The following CPB2 variants were observed in gnomAD, a reference collection of about 807,000 sequenced individuals.
CPB2 encodes carboxypeptidase B-like protein.
In CPB2, 54 loss-of-function variants were observed where a neutral mutation model predicts 57.0. The ratio of observed to expected loss-of-function variants is 0.95; its 90% CI spans 0.76 to 1.19. The LOEUF is 1.19. Among genes scored for constraint, CPB2 ranks in the 50% most tolerant of loss-of-function variants. The pLI is 0.00. For missense variants in CPB2, 426 were observed against 512.0 expected (o/e 0.83, Z 1.62); for synonymous variants, 189 against 178.1 (o/e 1.06, Z -0.49).
intron 4 of CPB2, among the ~76,000 whole-genome samples, chr13:46,079,797 A>C (rs1320843193): frequency 6.6e-6 from 1 of 152,114 alleles, no homozygotes; most frequent in African/African-American, 2.4e-5. Context: ...GCTGGTAAAA[A>C]CTGGAGCACC....
chr13:46,076,559 G>A (rs8181800), intron 5 of CPB2, among the ~76,000 whole-genome samples: 14 of 151,814 alleles, frequency 9.2e-5, no homozygotes, highest in East Asian at 1.9e-4. Flanking sequence ...CCGTACTACC[G>A]AATGGAATCT....
chr13:46,096,409 G>A (rs372363473), intron 1 of CPB2: 1 of 152,282 alleles, frequency 6.6e-6, no homozygotes. Context: ...CTTCTCAGAG[G>A]ATCATAACTG....
At chr13:46,071,753 T>C (rs2044946238) in intron 6 of CPB2, among the ~76,000 whole-genome samples, 1 of 151,846 alleles carries the variant, frequency 6.6e-6, no homozygotes, top group Non-Finnish European at 1.5e-5. Context: ...CAGCACATGG[T>C]GATGTGAAAA....
chr13:46,055,144 G>A (rs958467648), intron 10 of CPB2, among the ~76,000 whole-genome samples: 2 of 151,204 alleles, frequency 1.3e-5, no homozygotes, highest in African/African-American at 2.4e-5. Context: ...CTGGTTACAG[G>A]TTTATTTTAT....
At chr13:46,102,831 A>C (rs1361918573) in intron 1 of CPB2, among the ~76,000 whole-genome samples, 2 of 152,186 alleles carry the variant, frequency 1.3e-5, no homozygotes, top group Non-Finnish European at 2.9e-5. Flanking sequence ...TCTGTCTACA[A>C]TACTGAGGTC....
chr13:46,087,600 A>T, intron 2 of CPB2, 145 bp downstream of exon 2: 2 of 619,628 alleles, frequency 3.2e-6, no homozygotes, highest in Non-Finnish European at 5.6e-6. Context: ...CAACAAAATC[A>T]TGTGATTATG....
intron 6 of CPB2, chr13:46,073,379 G>T (rs1191684825): frequency 3.4e-6 from 2 of 594,302 alleles, no homozygotes; most frequent in East Asian, 1.4e-4. Flanking sequence ...TGGCTTTTTT[G>T]ATGCAAAACC....
intron 1 of CPB2, among the ~76,000 whole-genome samples, chr13:46,097,662 G>T (rs181693679): frequency 4.6e-5 from 7 of 152,124 alleles, no homozygotes; most frequent in African/African-American, 1.7e-4. Context: ...AATAAAAATG[G>T]TTTGTTGAAG....
intron 2 of CPB2, among the ~76,000 whole-genome samples, chr13:46,087,099 GGCTCCTGCCT>G (rs1284619491): frequency 2.0e-5 from 3 of 151,976 alleles, no homozygotes; most frequent in African/African-American, 7.2e-5. Context: ...AGGAGGGCAG[GGCTCCTGCCT>G]GCTCCTGGCC....
At chr13:46,087,083 G>A (rs1593910619) in intron 2 of CPB2, among the ~76,000 whole-genome samples, 2 of 152,334 alleles carry the variant, frequency 1.3e-5, no homozygotes, top group African/African-American at 4.8e-5. Context: ...AGCTGCAGCT[G>A]CGCCCAGGAG....
intron 6 of CPB2, among the ~76,000 whole-genome samples, 173 bp from the exon 7 acceptor site, chr13:46,067,590 G>A (rs17844232): frequency 1.6e-3 from 248 of 152,222 alleles, no homozygotes; most frequent in African/African-American, 5.4e-3. Context: ...ACGAAGTGGT[G>A]ATAAATGCCT....
chr13:46,100,507 A>G (rs937159546), intron 1 of CPB2: 1 of 151,874 alleles, frequency 6.6e-6, no homozygotes. Flanking sequence ...GCATGTTTTT[A>G]TGGTTCTGTA....
In CPB2 at chr13:46,053,677, G is replaced by A. The variant is rs370667336; in HGVS notation, c.1209C>T (p.Pro403=). 5.6e-6 allele frequency: 9 copies of A among 1,614,060 alleles called. No individual in the cohort carries two copies. Among genetic ancestry groups the A allele is most frequent in the Admixed American group, 5.0e-5 (3 of 60,002 alleles). Residue 403 remains proline, a synonymous_variant, in exon 11 of 11, where the codon CCC becomes CCT. Coordinates refer to ENST00000181383, the MANE Select transcript of CPB2 (RefSeq NM_001872.5). ...CAGCGGCAAAAGCTTCTCTACAGGT[G>A]GGTTTGATGTAACGCTCCGGCAGCA... ...GFLLPERYIK[P]TCREAFAAVS... is the part of the protein sequence containing the mutation.
At chr13:46,080,319 G>C (rs917530825) in intron 4 of CPB2, among the ~76,000 whole-genome samples, 1 of 152,188 alleles carries the variant, frequency 6.6e-6, no homozygotes, top group Non-Finnish European at 1.5e-5. Flanking sequence ...CTGATCAAGA[G>C]ACCACCGATC....
In CPB2 at chr13:46,061,951, T is replaced by C. The variant is rs2044778782; in HGVS notation, c.796+2697A>G. ...GATTAAATTCTTCTTTCTCACTGTC[T>C]TGCTTACATAGTACAGAATAGATAC... is the stretch of plus-strand genomic sequence containing the variant. On this transcript the variant is annotated intron_variant, in intron 8 of 10. Transcript: ENST00000181383. Among the ~76,000 whole-genome samples, 6 of 152,234 alleles carry C rather than the reference T, an allele frequency of 3.9e-5. No homozygotes were observed. The South Asian group carries it at 1.2e-3, about 32-fold the overall frequency.
chr13:46,068,041 A>G (rs769103399), intron 6 of CPB2, among the ~76,000 whole-genome samples: 3 of 152,192 alleles, frequency 2.0e-5, no homozygotes, highest in Admixed American at 6.5e-5. Context: ...ATGGCATCCA[A>G]ATTTGGTGAC....
rs2044721969 is a variant in CPB2, at chr13:46,058,170, A to C, written c.999+9T>G. On this transcript the variant is annotated intron_variant, in intron 9 of 10. Transcript: ENST00000181383. ...ATGCTAATGAGAAAAATAATTAAGT[A>C]GCACTTACCAGTTCCTCATGGTCTT... 1 of 1,599,926 alleles carries C rather than the reference A, an allele frequency of 6.3e-7. No individual in the cohort carries two copies. The highest frequency in any genetic ancestry group is 1.7e-5 in the Admixed American group (1 of 59,322).
At chr13:46,091,778 A>C (rs1010636480) in intron 1 of CPB2, among the ~76,000 whole-genome samples, 2 of 152,246 alleles carry the variant, frequency 1.3e-5, no homozygotes, top group Non-Finnish European at 2.9e-5. Flanking sequence ...GTGACTCAAC[A>C]TGAATTTACT....
At chr13:46,058,020 A>G (rs1343637126) in intron 9 of CPB2, among the ~76,000 whole-genome samples, 159 bp downstream of exon 9, 1 of 152,186 alleles carries the variant, frequency 6.6e-6, no homozygotes, top group Non-Finnish European at 1.5e-5. Context: ...CCCTTAGAGA[A>G]CACTGACCCA....
Sources: allele counts gnomAD v4.1 joint callset (sites outside exome capture counted in the v4.1 genomes callset), GRCh38; gene constraint gnomAD v4.1.1; transcripts MANE v1.5; gene names NCBI Gene and HGNC (gene_info 2026-07-23, HGNC 2026-07-21).